The following DNM2 variants were observed in gnomAD, a reference collection of about 807,000 sequenced individuals.
DNM2 encodes the protein dynamin 2, also known as dynamin-2.
DNM2 carries 15 observed loss-of-function variants against 99.0 expected under a neutral mutation model. That is an observed-to-expected ratio of 0.15 (90% CI 0.10 to 0.23). The LOEUF (loss-of-function observed/expected upper bound fraction) is 0.23, where lower values mean the gene tolerates loss of function less well. Among genes scored for constraint, DNM2 ranks in the 10% least tolerant of loss-of-function variants. The pLI is 1.00. For missense variants in DNM2, 742 were observed against 1,189.4 expected, an observed-to-expected ratio of 0.62 and a Z score of 5.53; for synonymous variants, 525 against 481.2, an observed-to-expected ratio of 1.09 and a Z score of -1.19.
chr19:10,751,987 C>T (rs2070212554), intron 1 of DNM2, among the ~76,000 whole-genome samples: 1 of 152,208 alleles, frequency 6.6e-6, no homozygotes, highest in Non-Finnish European at 1.5e-5. Flanking sequence ...GCTCCTGTAC[C>T]CTCTCCCCAT....
Position 10,777,223 on chromosome 19 carries a change from C to T in DNM2, c.688+7C>T, listed in dbSNP as rs1031505173. On this transcript the variant is annotated splice_region_variant and intron_variant, in intron 5 of 20. Coordinates refer to ENST00000389253, the MANE Select transcript of DNM2 (RefSeq NM_001005361.3). ...TTGCTCCCGTTGAGAAGAGGTGTGG[C>T]TTTGGGGGTGCTGGGGAAGCAGGAG... The T allele has an allele frequency of 3.7e-6, 6 of 1,613,888 alleles. No homozygotes were observed. Among genetic ancestry groups the T allele is most frequent in the Non-Finnish European group, 5.1e-6 (6 of 1,179,926 alleles).
intron 13 of DNM2, 159 bp from the exon 14 acceptor site, chr19:10,808,410 G>A (rs996766275): frequency 7.7e-6 from 5 of 651,504 alleles, no homozygotes; most frequent in Non-Finnish European, 1.3e-5. Flanking sequence ...TTAATAGCAT[G>A]TAATTTTTTT....
intron 18 of DNM2, 163 bp from the exon 19 acceptor site, chr19:10,828,873 T>C (rs964970458): frequency 6.5e-5 from 46 of 703,606 alleles, no homozygotes; most frequent in African/African-American, 5.0e-4. Context: ...TGCAGTGAGC[T>C]GAAATTGAGC....
chr19:10,795,516 C>CA lies in DNM2; in HGVS notation c.1196+77_1196+78insA. 6.6e-7 allele frequency: 1 copy of CA among 1,518,848 alleles called. No individual in the cohort carries two copies. The highest frequency in any genetic ancestry group is 1.1e-5 in the South Asian group (1 of 89,112). 94.1% of individuals were successfully genotyped at this position (1,518,848 alleles called of 1,614,324 possible). A position where few individuals can be genotyped will look rare whatever the true frequency, so the allele number is the denominator to read the frequency against. On this transcript the variant is annotated intron_variant, in intron 9 of 20. Transcript: ENST00000389253. This position sits in a 1 kb window ranked among gnomAD's most constrained non-coding sequence, Gnocchi z 4.2. Reference sequence around the variant, plus strand: ...CCCCCAGCTAATTGGGTCACCCACACCTCTGAGTCCCTAATCGTTAGGCCT... The same window carrying CA: ...CCCCCAGCTAATTGGGTCACCCACACACTCTGAGTCCCTAATCGTTAGGCCT...
intron 1 of DNM2, among the ~76,000 whole-genome samples, chr19:10,748,704 C>G (rs925143430): frequency 6.6e-6 from 1 of 152,204 alleles, no homozygotes; most frequent in Admixed American, 6.5e-5. Context: ...CCTCGCTGAG[C>G]GTCCTGGGCA....
rs927876574 is a variant in DNM2, at chr19:10,812,032, C to T, written c.1558-232C>T. ...CCTCTGTGAGTCTATACCCCATCAG[C>T]CCCTGGCCCAGTGAGTCTGTCTGTC... On this transcript the variant is annotated intron_variant, in intron 14 of 20. Transcript: ENST00000389253. The surrounding 1 kb of genome is among the most constrained non-coding windows in gnomAD (Gnocchi z 4.0). 1 of 520,898 alleles carries T rather than the reference C, an allele frequency of 1.9e-6. No homozygotes were observed. The highest frequency in any genetic ancestry group is 3.7e-6 in the Non-Finnish European group (1 of 269,118). 32.3% of individuals were successfully genotyped at this position (520,898 alleles called of 1,614,324 possible).
chr19:10,751,302 G>A (rs2070185109), intron 1 of DNM2, among the ~76,000 whole-genome samples: 1 of 152,012 alleles, frequency 6.6e-6, no homozygotes, highest in East Asian at 1.9e-4. Context: ...AGCAGGGACT[G>A]GAATGCAGGG....
intron 4 of DNM2, among the ~76,000 whole-genome samples, chr19:10,776,388 A>T (rs1490722922): frequency 6.6e-6 from 1 of 152,106 alleles, no homozygotes; most frequent in African/African-American, 2.4e-5. Flanking sequence ...CTCTAGTCAG[A>T]TCCTTCTACT....
At chr19:10,778,641 G>C (rs2145935989) in intron 5 of DNM2, among the ~76,000 whole-genome samples, 1 of 151,706 alleles carries the variant, frequency 6.6e-6, no homozygotes, top group Admixed American at 6.6e-5. Context: ...AACAGAGCAA[G>C]ATCTTGCCTC....
At position 10,775,846 on chromosome 19, in the gene DNM2, G is replaced by T; in HGVS notation, c.529G>T (p.Ala177Ser). Reference protein sequence around the residue: ...ESSLILAVTPANMDLANSDAL... With the variant: ...ESSLILAVTPSNMDLANSDAL... ...CAGCCTCATTCTGGCTGTCACGCCC[G>T]CCAACATGGACCTGGCCAACTCCGA... The change falls in exon 4 of 21, where the codon GCC (alanine) becomes TCC (serine). Residue 177 changes from alanine to serine, a missense_variant. Coordinates refer to ENST00000389253, the MANE Select transcript of DNM2 (RefSeq NM_001005361.3). This position sits in a 1 kb window ranked among gnomAD's most constrained non-coding sequence, Gnocchi z 4.3. 1 of 1,613,872 alleles carries T rather than the reference G, an allele frequency of 6.2e-7. No homozygotes were observed.
chr19:10,831,596 G>GGCCCA lies in DNM2; in HGVS notation c.*553_*557dup, dbSNP rs1166913982. ...CATATTAACCACACAGCCTGAGCCT[G>GGCCCA]GCCCAGCCTCGGCTGCCAGAGGTGC... On this transcript the variant is annotated 3_prime_UTR_variant, in exon 21 of 21. Transcript: ENST00000389253. The surrounding 1 kb of genome is among the most constrained non-coding windows in gnomAD (Gnocchi z 4.3). 3.0e-6 allele frequency: 3 copies of GGCCCA among 986,036 alleles called. No homozygotes were observed. In the East Asian group the frequency reaches 3.4e-4, roughly 112 times the overall value. The allele number at this position is 986,036 out of a possible 1,614,324, so 61.1% of individuals were successfully genotyped here. A position where few individuals can be genotyped will look rare whatever the true frequency, so the allele number is the denominator to read the frequency against.
intron 11 of DNM2, among the ~76,000 whole-genome samples, chr19:10,799,424 T>C (rs970607084): frequency 6.6e-6 from 1 of 152,040 alleles, no homozygotes; most frequent in Non-Finnish European, 1.5e-5. Context: ...GTATCTGTAG[T>C]TTGCTGCCTT....
At chr19:10,778,460 T>G (rs1236645748) in intron 5 of DNM2, among the ~76,000 whole-genome samples, 1 of 152,034 alleles carries the variant, frequency 6.6e-6, no homozygotes, top group Non-Finnish European at 1.5e-5. Context: ...AAGACTAGCC[T>G]GGGCAACATA....
chr19:10,821,965 G>C (rs1252735943), intron 16 of DNM2, among the ~76,000 whole-genome samples: 4 of 152,198 alleles, frequency 2.6e-5, no homozygotes, highest in Non-Finnish European at 4.4e-5. Context: ...CTCATCCAGA[G>C]GTCGTTCGGG....
chr19:10,718,402 C>T lies in DNM2; in HGVS notation c.160C>T (p.Arg54Trp), dbSNP rs1295054396. 2.0e-6 allele frequency: 3 copies of T among 1,470,724 alleles called. No individual in the cohort carries two copies. The highest frequency in any genetic ancestry group is 2.7e-6 in the Non-Finnish European group (3 of 1,108,944). The allele number at this position is 1,470,724 out of a possible 1,614,324, so 91.1% of individuals were successfully genotyped here. Residue 54 changes from arginine to tryptophan, a missense_variant and splice_region_variant, in exon 1 of 21, where the codon CGG (arginine) becomes TGG (tryptophan). Arg to Trp is a moderately radical substitution (Grantham distance 101). Coordinates refer to ENST00000389253, the MANE Select transcript of DNM2 (RefSeq NM_001005361.3). ...CTCGGTGCTGGAGAACTTCGTGGGC[C>T]GGTGAGCGGGCGCGGCAGGGATCGC... is the stretch of plus-strand genomic sequence containing the variant. ...KSSVLENFVG[R>W]DFLPRGSGIV...
At chr19:10,726,742 T>C (rs542800849) in intron 1 of DNM2, among the ~76,000 whole-genome samples, 3 of 152,254 alleles carry the variant, frequency 2.0e-5, no homozygotes, top group African/African-American at 7.2e-5. Context: ...CAGGCGCCTG[T>C]AATCCCAGCT....
rs1191293661 is a variant in DNM2, at chr19:10,811,972, C to T, written c.1558-292C>T. 1 of 472,940 alleles carries T rather than the reference C, an allele frequency of 2.1e-6. No homozygotes were observed. Among genetic ancestry groups the T allele is most frequent in the Non-Finnish European group, 4.2e-6 (1 of 238,272 alleles). 29.3% of individuals were successfully genotyped at this position (472,940 alleles called of 1,614,324 possible). ...TGTGCCACAGCCCCACACACAAGCC[C>T]CAGGGACTCCTCCCATGGGCCCCTT... On this transcript the variant is annotated intron_variant, in intron 14 of 20. Coordinates refer to ENST00000389253, the MANE Select transcript of DNM2 (RefSeq NM_001005361.3). The surrounding 1 kb of genome is among the most constrained non-coding windows in gnomAD (Gnocchi z 5.4).
At chr19:10,769,995 T>C (rs770702114) in intron 2 of DNM2, among the ~76,000 whole-genome samples, 2 of 152,230 alleles carry the variant, frequency 1.3e-5, no homozygotes, top group Non-Finnish European at 2.9e-5. Flanking sequence ...ATCACGGAAC[T>C]TGGCCCAAGG....
chr19:10,742,911 TTC>T (rs1264222752), intron 1 of DNM2, among the ~76,000 whole-genome samples: 4 of 149,622 alleles, frequency 2.7e-5, no homozygotes, highest in Non-Finnish European at 5.9e-5. Context: ...TTGTTTTTCT[TTC>T]TTTTTTTTTT....
Sources: allele counts gnomAD v4.1 joint callset (sites outside exome capture counted in the v4.1 genomes callset), GRCh38; gene constraint gnomAD v4.1.1; non-coding constraint Gnocchi (gnomAD v3.1); transcripts MANE v1.5; gene names NCBI Gene and HGNC (gene_info 2026-07-23, HGNC 2026-07-21).